The following SNAPC5 variants were observed in gnomAD, a reference collection of about 807,000 sequenced individuals.
SNAPC5 encodes snRNA-activating protein complex subunit 5.
A neutral mutation model predicts 9.1 loss-of-function variants in SNAPC5; 12 were observed. The ratio of observed to expected loss-of-function variants is 1.32; its 90% CI spans 0.85 to 2.15. SNAPC5 has a LOEUF of 2.15. Ranked by LOEUF, SNAPC5 falls within the 30% of genes most tolerant of loss-of-function variation. The pLI, the probability that SNAPC5 is intolerant of heterozygous loss-of-function variation, is 0.00. For missense variants in SNAPC5, 132 were observed against 114.4 expected (o/e 1.15, Z -0.70); for synonymous variants, 52 against 47.3 (o/e 1.10, Z -0.41).
intron 1 of SNAPC5, among the ~76,000 whole-genome samples, chr15:66,497,193 A>C (rs1272372611): frequency 6.6e-6 from 1 of 152,120 alleles, no homozygotes; most frequent in Non-Finnish European, 1.5e-5. Context: ...GTAGCATGGG[A>C]GGATCTAGGA....
At chr15:66,493,002 TAC>T (rs1202514188), downstream of SNAPC5, among the ~76,000 whole-genome samples, 2 of 152,260 alleles carry the variant, frequency 1.3e-5, no homozygotes, top group African/African-American at 2.4e-5. Context: ...AAAATTTATG[TAC>T]CTTGATGCTT....
chr15:66,492,571 T>C (rs1268205231), downstream of SNAPC5, among the ~76,000 whole-genome samples: 2 of 152,212 alleles, frequency 1.3e-5, no homozygotes. Flanking sequence ...ATACCACCAC[T>C]ACTGAGAATG....
Position 66,494,679 on chromosome 15 carries a change from A to AT in SNAPC5, c.181-128dup, listed in dbSNP as rs1218478894. The AT allele has an allele frequency of 4.0e-5, 26 of 652,538 alleles. No individual in the cohort carries two copies. The East Asian group carries it at 6.6e-4, about 17-fold the overall frequency. 40.4% of individuals were successfully genotyped at this position (652,538 alleles called of 1,614,324 possible). On this transcript the variant is annotated intron_variant, in intron 2 of 2. Transcript: ENST00000316634. ...TCCCCAGTACTTATGACTAAGAGGT[A>AT]TGGCCACTTTCCTTTTATACCCCCA...
At chr15:66,491,987 G>A (rs746647238), downstream of SNAPC5, 191 of 456,686 alleles carry the variant, frequency 4.2e-4, 1 homozygote, top group Admixed American at 4.0e-4. Flanking sequence ...CCTTGCTGGT[G>A]GCCAGCTTGC....
At chr15:66,489,838 A>C (rs1345641452), downstream of SNAPC5, 1 of 1,262,406 alleles carries the variant, frequency 7.9e-7, no homozygotes, top group Non-Finnish European at 1.2e-6. Context: ...TCTGTGCAGT[A>C]CTTCCAGAGC....
intron 2 of SNAPC5, 44 bp downstream of exon 2, chr15:66,495,286 C>G (rs751531505): frequency 2.7e-6 from 3 of 1,106,310 alleles, no homozygotes; most frequent in Non-Finnish European, 1.4e-6. Context: ...GGGAGCAGAG[C>G]AGACTTTGCA....
intron 1 of SNAPC5, 102 bp downstream of exon 1, chr15:66,497,540 G>T: frequency 2.0e-6 from 2 of 994,214 alleles, no homozygotes; most frequent in Non-Finnish European, 3.3e-6. Flanking sequence ...AGTGAGTAGC[G>T]GAGAACTGGC....
downstream of SNAPC5, chr15:66,490,254 GT>G (rs1365310009): frequency 7.9e-6 from 5 of 632,890 alleles, no homozygotes; most frequent in East Asian, 1.5e-4. Context: ...TTAAGGCAGA[GT>G]TACTGTCTCC....
chr15:66,489,816 C>A, downstream of SNAPC5: 5 of 1,441,668 alleles, frequency 3.5e-6, no homozygotes, highest in Admixed American at 1.7e-5. Flanking sequence ...ATTTGTTCTT[C>A]TCTGTCAGTC....
At chr15:66,492,135 T>A, downstream of SNAPC5, 1 of 447,364 alleles carries the variant, frequency 2.2e-6, no homozygotes, top group Non-Finnish European at 4.5e-6. Context: ...GCGCTGGCTT[T>A]GTCATGCCTG....
rs750937919 is a variant in SNAPC5, at chr15:66,497,745, A to T, written c.-14T>A. The T allele has an allele frequency of 1.9e-6, 3 of 1,602,550 alleles. No individual in the cohort carries two copies. Among genetic ancestry groups the T allele is most frequent in the East Asian group, 2.2e-5 (1 of 44,618 alleles). ...CCGGCTCAGCATGTTGCCTGGTCAC[A>T]TAGCCAACCTCCGGGCTGCTGTCGG... On this transcript the variant is annotated 5_prime_UTR_variant, in exon 1 of 3. It removes an upstream start codon present in the reference 5' UTR. Transcript: ENST00000316634.
chr15:66,491,802 T>C (rs568078667), downstream of SNAPC5: 21 of 384,354 alleles, frequency 5.5e-5, no homozygotes, highest in East Asian at 1.5e-3. Flanking sequence ...ATAGATCCTG[T>C]ATATTCCTTT....
In SNAPC5 at chr15:66,494,555, G is replaced by A; in HGVS notation, c.181-3C>T. On this transcript the variant is annotated splice_region_variant and splice_polypyrimidine_tract_variant and intron_variant, in intron 2 of 2. Transcript: ENST00000316634. ...TCATTGTCTACATGCACCAACATCT[G>A]TATTGGCCAAGGGCATCACAGATTA... 6.2e-7 allele frequency: 1 copy of A among 1,605,322 alleles called. No individual in the cohort carries two copies.
chr15:66,496,058 TA>T (rs1412574830), intron 1 of SNAPC5, among the ~76,000 whole-genome samples: 2 of 152,034 alleles, frequency 1.3e-5, no homozygotes, highest in Non-Finnish European at 2.9e-5. Flanking sequence ...CCGTCTCTAC[TA>T]AAAGTATAAC....
At chr15:66,494,600 CAA>C in intron 2 of SNAPC5, 48 bp from the exon 3 acceptor site, 1 of 1,287,514 alleles carries the variant, frequency 7.8e-7, no homozygotes, top group African/African-American at 1.5e-5. Context: ...ATGCTGGCCT[CAA>C]AACAGCAAAT....
chr15:66,492,742 AGT>A (rs1027142844), downstream of SNAPC5, among the ~76,000 whole-genome samples: 4 of 151,802 alleles, frequency 2.6e-5, no homozygotes, highest in Non-Finnish European at 5.9e-5. Context: ...TGAATCTTGC[AGT>A]GTTTTGAGCT....
downstream of SNAPC5, chr15:66,490,844 T>C: frequency 1.6e-6 from 1 of 606,372 alleles, no homozygotes; most frequent in Non-Finnish European, 3.0e-6. Flanking sequence ...TTGGGGCTAT[T>C]TGTGTGTATG....
chr15:66,492,182 T>A (rs1893278514), downstream of SNAPC5: 1 of 392,466 alleles, frequency 2.5e-6, no homozygotes, highest in Admixed American at 2.9e-5. Context: ...ATTGGGAACT[T>A]CTTTTAGGTA....
chr15:66,497,461 A>G, intron 1 of SNAPC5, 181 bp downstream of exon 1: 1 of 643,526 alleles, frequency 1.6e-6, no homozygotes, highest in East Asian at 2.7e-5. Context: ...TAAGAAGCGC[A>G]CAGCAAACTC....
Sources: allele counts gnomAD v4.1 joint callset (sites outside exome capture counted in the v4.1 genomes callset), GRCh38; gene constraint gnomAD v4.1.1; transcripts MANE v1.5; gene names NCBI Gene and HGNC (gene_info 2026-07-23, HGNC 2026-07-21).